Variants in NFIX observed in about 807,000 individuals in gnomAD.
The protein encoded by NFIX is nuclear factor 1 X-type.
Under a neutral mutation model 53.3 loss-of-function variants are expected in NFIX, and 2 were observed. That is an observed-to-expected ratio of 0.04 (90% CI 0.02 to 0.12). NFIX has a LOEUF of 0.12. Among genes scored for constraint, NFIX ranks in the 10% least tolerant of loss-of-function variants. The pLI is 1.00. For missense variants in NFIX, 310 were observed against 674.5 expected, an observed-to-expected ratio of 0.46 and a Z score of 5.99; for synonymous variants, 244 against 289.0, an observed-to-expected ratio of 0.84 and a Z score of 1.58.
At chr19:12,999,201 C>G (rs1244156113) in intron 1 of NFIX, among the ~76,000 whole-genome samples, 3 of 150,722 alleles carry the variant, frequency 2.0e-5, no homozygotes, top group Admixed American at 1.3e-4. Flanking sequence ...TGAGACGGAG[C>G]CTTGCTCTGT....
intron 1 of NFIX, among the ~76,000 whole-genome samples, chr19:12,997,353 G>A (rs544507743): frequency 1.3e-5 from 2 of 152,354 alleles, no homozygotes; most frequent in South Asian, 4.1e-4. Context: ...TGGCATGGCC[G>A]TGTGTGTGGC....
chr19:13,075,925 C>T (rs949183195), intron 6 of NFIX, among the ~76,000 whole-genome samples: 1 of 152,094 alleles, frequency 6.6e-6, no homozygotes, highest in African/African-American at 2.4e-5. Flanking sequence ...GAGGGGGTGC[C>T]AAGCCTCTGG....
At chr19:13,063,754 C>T (rs1488352929) in intron 2 of NFIX, among the ~76,000 whole-genome samples, 1 of 152,190 alleles carries the variant, frequency 6.6e-6, no homozygotes, top group Non-Finnish European at 1.5e-5. Flanking sequence ...CTGCTTGTCC[C>T]AGGCGCATCC....
chr19:13,026,359 TAAAC>T (rs766417916), intron 2 of NFIX, among the ~76,000 whole-genome samples: 8 of 148,572 alleles, frequency 5.4e-5, no homozygotes, highest in East Asian at 4.0e-4. Flanking sequence ...GAAGAGGTCT[TAAAC>T]AAGCAAACAA....
chr19:13,023,940 T>TCCCCCCCCCCCCCCCCCC, intron 1 of NFIX: 2 of 212,732 alleles, frequency 9.4e-6, no homozygotes, highest in South Asian at 3.3e-5. Flanking sequence ...CTCCTCCTCC[T>TCCCCCCCCCCCCCCCCCC]CCCCCCTCCC....
chr19:13,065,304 G>GT (rs2016334103), intron 2 of NFIX, among the ~76,000 whole-genome samples: 1 of 152,206 alleles, frequency 6.6e-6, no homozygotes, highest in Non-Finnish European at 1.5e-5. Context: ...TGCCCAAGAT[G>GT]TTTTTCTTTG....
chr19:13,083,643 A>G (rs1024730804), intron 8 of NFIX, among the ~76,000 whole-genome samples: 1 of 152,156 alleles, frequency 6.6e-6, no homozygotes, highest in Non-Finnish European at 1.5e-5. Context: ...AAAACACCGC[A>G]AACAGGCACC....
intron 1 of NFIX, among the ~76,000 whole-genome samples, chr19:13,017,014 C>A (rs980560352): frequency 6.6e-6 from 1 of 152,172 alleles, no homozygotes; most frequent in Non-Finnish European, 1.5e-5. Flanking sequence ...AGAGCGAGGG[C>A]GCCTCTTTTC....
In NFIX at chr19:13,098,150, C is replaced by T. The variant is rs1486894632; in HGVS notation, c.*3501C>T. On this transcript the variant is annotated 3_prime_UTR_variant, in exon 11 of 11. Transcript: ENST00000592199. ...TCAGACGACCCACCACTCCCCCACC[C>T]TGACCGTGCTGAACAGACCCCCCCA... 1 of 152,400 alleles carries T rather than the reference C, an allele frequency of 6.6e-6. No homozygotes were observed. Among genetic ancestry groups the T allele is most frequent in the Non-Finnish European group, 1.5e-5 (1 of 68,116 alleles). 9.4% of individuals were successfully genotyped at this position (152,400 alleles called of 1,614,324 possible).
chr19:13,009,504 C>G lies in NFIX; in HGVS notation c.27+13640C>G, dbSNP rs2012211431. On this transcript the variant is annotated intron_variant, in intron 1 of 10. Transcript: ENST00000592199. The surrounding 1 kb of genome is among the most constrained non-coding windows in gnomAD (Gnocchi z 4.7). ...TGAGCAAGACTTAAACAGGTTCACT[C>G]CAGCTTTTCATCCCCCTTCTGGCCA... Among the ~76,000 whole-genome samples, 1 of 152,206 alleles carries G rather than the reference C, an allele frequency of 6.6e-6. No individual in the cohort carries two copies. Among genetic ancestry groups the G allele is most frequent in the African/African-American group, 2.4e-5 (1 of 41,446 alleles).
rs2014768978 is a variant in NFIX, at chr19:13,043,394, G to C, written c.559+17842G>C. Among the ~76,000 whole-genome samples, 1 of 152,192 alleles carries C rather than the reference G, an allele frequency of 6.6e-6. No individual in the cohort carries two copies. The highest frequency in any genetic ancestry group is 2.4e-5 in the African/African-American group (1 of 41,456). On this transcript the variant is annotated intron_variant, in intron 2 of 10. Coordinates refer to ENST00000592199, the MANE Select transcript of NFIX (RefSeq NM_001365902.3). The surrounding 1 kb of genome is among the most constrained non-coding windows in gnomAD (Gnocchi z 4.0). ...CTTGAGACTGTCTGGTGGTGAGCAG[G>C]TGCTGGCCATGGTATCTTAATGGCA... is the stretch of plus-strand genomic sequence containing the variant.
intron 2 of NFIX, among the ~76,000 whole-genome samples, chr19:13,039,322 G>A (rs1024813503): frequency 7.2e-5 from 11 of 152,028 alleles, no homozygotes; most frequent in Admixed American, 3.9e-4. Flanking sequence ...GACAGTAACT[G>A]AGGATGATGG....
intron 2 of NFIX, among the ~76,000 whole-genome samples, chr19:13,034,261 G>T (rs761769188): frequency 1.3e-5 from 2 of 152,218 alleles, no homozygotes; most frequent in Non-Finnish European, 2.9e-5. Flanking sequence ...TCCCCCAGTG[G>T]CTGAGTATGT....
rs967788342 is a variant in NFIX at position 13,049,950 on chromosome 19, C to T, written c.560-23097C>T. Among the ~76,000 whole-genome samples, 3 of 152,198 alleles carry T rather than the reference C, an allele frequency of 2.0e-5. No individual in the cohort carries two copies. The highest frequency in any genetic ancestry group is 7.2e-5 in the African/African-American group (3 of 41,448). On this transcript the variant is annotated intron_variant, in intron 2 of 10. Transcript: ENST00000592199. This position sits in a 1 kb window ranked among gnomAD's most constrained non-coding sequence, Gnocchi z 4.5. Reference sequence around the variant, plus strand: ...TATGGCTGTGCCACATTTTGTTTATCCATTCATACATTGATGGATATTTGG... The same window carrying T: ...TATGGCTGTGCCACATTTTGTTTATTCATTCATACATTGATGGATATTTGG...
intron 5 of NFIX, among the ~76,000 whole-genome samples, chr19:13,074,755 C>A (rs947083488): frequency 5.3e-5 from 8 of 149,656 alleles, no homozygotes; most frequent in African/African-American, 1.7e-4. Flanking sequence ...AGATTTTTGG[C>A]ATTCATTTTG....
At chr19:13,058,281 C>T (rs1394673667) in intron 2 of NFIX, among the ~76,000 whole-genome samples, 1 of 152,118 alleles carries the variant, frequency 6.6e-6, no homozygotes, top group Non-Finnish European at 1.5e-5. Flanking sequence ...GTAGGCCCTG[C>T]CTGCAATTAT....
At chr19:13,056,224 C>T (rs992060108) in intron 2 of NFIX, among the ~76,000 whole-genome samples, 3 of 152,260 alleles carry the variant, frequency 2.0e-5, no homozygotes, top group Middle Eastern at 3.4e-3. Context: ...TGACTCAGGC[C>T]CCCCCACCGC....
At chr19:13,055,956 A>C (rs2015657615) in intron 2 of NFIX, among the ~76,000 whole-genome samples, 1 of 152,016 alleles carries the variant, frequency 6.6e-6, no homozygotes, top group African/African-American at 2.4e-5. Context: ...CCCTCAACTC[A>C]ATATACGTGT....
chr19:13,024,813 C>A, intron 1 of NFIX: 1 of 1,385,260 alleles, frequency 7.2e-7, no homozygotes, highest in Non-Finnish European at 9.9e-7. Flanking sequence ...GAGCAAGTGG[C>A]TGGCGAAGCT....
Sources: allele counts gnomAD v4.1 joint callset (sites outside exome capture counted in the v4.1 genomes callset), GRCh38; gene constraint gnomAD v4.1.1; non-coding constraint Gnocchi (gnomAD v3.1); transcripts MANE v1.5; gene names NCBI Gene and HGNC (gene_info 2026-07-23, HGNC 2026-07-21).